DUSP22: variants seen among roughly 807,000 people sequenced by gnomAD.
DUSP22 encodes dual specificity phosphatase 22, also known as dual specificity protein phosphatase 22.
Under a neutral mutation model 24.5 loss-of-function variants are expected in DUSP22, and 24 were observed. The observed-to-expected ratio is 0.98, with a 90% CI of 0.71 to 1.38. The LOEUF (loss-of-function observed/expected upper bound fraction) is 1.38, where lower values mean the gene tolerates loss of function less well. DUSP22 is among the 40% of genes most tolerant of loss of function. The pLI, the probability that DUSP22 is intolerant of heterozygous loss-of-function variation, is 0.00. For synonymous variants in DUSP22, 160 were observed against 106.4 expected (o/e 1.50, Z -3.10); for missense variants, 330 against 269.2 (o/e 1.23, Z -1.58).
chr6:323,651 G>T (rs1259001669), intron 3 of DUSP22, among the ~76,000 whole-genome samples: 2 of 152,304 alleles, frequency 1.3e-5, no homozygotes, highest in Admixed American at 1.3e-4. Flanking sequence ...ATCTTAGGAT[G>T]GCTGTATAGG....
At chr6:304,111 A>T (rs1336104181) in intron 1 of DUSP22, among the ~76,000 whole-genome samples, 1 of 152,312 alleles carries the variant, frequency 6.6e-6, no homozygotes, top group East Asian at 1.9e-4. Flanking sequence ...CCCGACAGAA[A>T]GATGGGCCTT....
intron 1 of DUSP22, among the ~76,000 whole-genome samples, chr6:303,345 C>T (rs1223730818): frequency 2.0e-5 from 3 of 152,304 alleles, no homozygotes; most frequent in Non-Finnish European, 2.9e-5. Context: ...CGATACATTA[C>T]GTGGCCCCTT....
At chr6:310,861 A>T (rs1283286822) in intron 2 of DUSP22, among the ~76,000 whole-genome samples, 1 of 152,312 alleles carries the variant, frequency 6.6e-6, no homozygotes, top group Non-Finnish European at 1.5e-5. Flanking sequence ...AATCCATGTA[A>T]TCCATCATGA....
At chr6:296,320 A>C (rs1333218464) in intron 1 of DUSP22, among the ~76,000 whole-genome samples, 1 of 152,300 alleles carries the variant, frequency 6.6e-6, no homozygotes, top group African/African-American at 2.4e-5. Context: ...AACTCCATGA[A>C]GTAGATCCTG....
chr6:327,929 G>C (rs995081100), intron 3 of DUSP22, among the ~76,000 whole-genome samples: 2 of 152,302 alleles, frequency 1.3e-5, no homozygotes, highest in African/African-American at 4.8e-5. Flanking sequence ...GGTCAGGAAG[G>C]GGGTTGTGGA....
At chr6:323,530 C>T (rs1302632160) in intron 3 of DUSP22, among the ~76,000 whole-genome samples, 6 of 152,298 alleles carry the variant, frequency 3.9e-5, no homozygotes, top group Non-Finnish European at 7.3e-5. Context: ...GGTTTTTCCC[C>T]GGCTAGTGGG....
intron 4 of DUSP22, among the ~76,000 whole-genome samples, chr6:343,751 T>C (rs572276350): frequency 2.8e-4 from 18 of 63,598 alleles, no homozygotes; most frequent in African/African-American, 1.2e-3. Context: ...GCTGTCCTCA[T>C]CTCACTGAGC....
At chr6:308,038 G>A (rs1464848358) in intron 2 of DUSP22, among the ~76,000 whole-genome samples, 1 of 152,216 alleles carries the variant, frequency 6.6e-6, no homozygotes, top group East Asian at 1.9e-4. Context: ...CTGCCAGTTG[G>A]GGAGGGGCCC....
intron 2 of DUSP22, among the ~76,000 whole-genome samples, chr6:307,659 A>T (rs1404281350): frequency 6.6e-6 from 1 of 152,306 alleles, no homozygotes; most frequent in Non-Finnish European, 1.5e-5. Flanking sequence ...CTTCCTTACA[A>T]CTTGGCACCA....
At chr6:298,882 G>A (rs569725986) in intron 1 of DUSP22, among the ~76,000 whole-genome samples, 181 of 11,342 alleles carry the variant, frequency 0.016, no homozygotes, top group Non-Finnish European at 0.034. Flanking sequence ...AGATCAGTCC[G>A]AAAGTAAGGA....
chr6:327,687 G>C (rs1183831079), intron 3 of DUSP22, among the ~76,000 whole-genome samples: 2 of 152,306 alleles, frequency 1.3e-5, no homozygotes, highest in South Asian at 4.1e-4. Context: ...TCTGCTAAGG[G>C]GGAGGCCGAG....
At chr6:329,420 C>A (rs372163495) in intron 3 of DUSP22, among the ~76,000 whole-genome samples, 2,859 of 151,392 alleles carry the variant, frequency 0.019, no homozygotes, top group South Asian at 0.05. Context: ...GTACTTAAGG[C>A]CACTGAACTG....
chr6:334,734 T>A (rs1759287191), intron 3 of DUSP22, among the ~76,000 whole-genome samples: 1 of 152,300 alleles, frequency 6.6e-6, no homozygotes, highest in South Asian at 2.1e-4. Flanking sequence ...AGTGCTTCCT[T>A]TTTGAACATT....
At chr6:329,855 C>A (rs932317501) in intron 3 of DUSP22, among the ~76,000 whole-genome samples, 2 of 152,208 alleles carry the variant, frequency 1.3e-5, no homozygotes, top group Non-Finnish European at 2.9e-5. Flanking sequence ...CATAGTGTTA[C>A]AAGCTGTGAC....
At chr6:296,094 C>A (rs111540189) in intron 1 of DUSP22, among the ~76,000 whole-genome samples, 357 of 152,282 alleles carry the variant, frequency 2.3e-3, no homozygotes, top group Middle Eastern at 0.017. Flanking sequence ...CTCATAGCTT[C>A]GATTACTTGT....
intron 3 of DUSP22, among the ~76,000 whole-genome samples, chr6:320,635 G>A (rs1451151218): frequency 9.8e-5 from 15 of 152,416 alleles, no homozygotes; most frequent in African/African-American, 3.6e-4. Context: ...CATGGGCTGG[G>A]AGATTTGGGG....
chr6:322,859 A>G (rs1028483310), intron 3 of DUSP22, among the ~76,000 whole-genome samples: 19 of 151,352 alleles, frequency 1.3e-4, no homozygotes, highest in African/African-American at 4.2e-4. Flanking sequence ...CGAGTCTGCA[A>G]TAGGAAGTTT....
intron 3 of DUSP22, among the ~76,000 whole-genome samples, chr6:323,296 T>G (rs1024089168): frequency 6.6e-6 from 1 of 152,296 alleles, no homozygotes; most frequent in Non-Finnish European, 1.5e-5. Context: ...TAGGTTTGAA[T>G]TGAGAAGTTA....
chr6:325,323 A>G (rs1758809829), intron 3 of DUSP22: 1 of 180,196 alleles, frequency 5.5e-6, no homozygotes, highest in East Asian at 2.1e-4. Context: ...CTGGAGAGTC[A>G]TCTGCCCTGG....
Sources: allele counts gnomAD v4.1 joint callset (sites outside exome capture counted in the v4.1 genomes callset), GRCh38; gene constraint gnomAD v4.1.1; transcripts MANE v1.5; gene names NCBI Gene and HGNC (gene_info 2026-07-23, HGNC 2026-07-21).